Variants in PRADC1 observed in about 807,000 individuals in gnomAD.
PRADC1 encodes protease-associated domain-containing protein 1.
A neutral mutation model predicts 22.9 loss-of-function variants in PRADC1; 23 were observed. That is an observed-to-expected ratio of 1.00 (90% CI 0.72 to 1.42). The LOEUF is 1.42. PRADC1 is among the 40% of genes most tolerant of loss of function. The probability of loss-of-function intolerance (pLI) is 0.00; values close to 1 mark genes in which losing one functional copy is unlikely to be tolerated. For missense variants in PRADC1, 207 were observed against 258.3 expected (o/e 0.80, Z 1.36); for synonymous variants, 71 against 100.3 (o/e 0.71, Z 1.75).
In PRADC1 at chr2:73,228,977, G is replaced by T; in HGVS notation, c.279-15C>A. ...AGGAGCAGCCCCTGGAAGAGGTGGT[G>T]ATAAGACCAAAGGAAAGACAGGTCC... On this transcript the variant is annotated splice_polypyrimidine_tract_variant and intron_variant, in intron 3 of 4. Coordinates refer to ENST00000258083, the MANE Select transcript of PRADC1 (RefSeq NM_032319.3). The surrounding 1 kb of genome is among the most constrained non-coding windows in gnomAD (Gnocchi z 4.0). 1 of 1,612,802 alleles carries T rather than the reference G, an allele frequency of 6.2e-7. No individual in the cohort carries two copies. Among genetic ancestry groups the T allele is most frequent in the Non-Finnish European group, 8.5e-7 (1 of 1,179,672 alleles).
rs1686566828 is a variant in PRADC1 at position 73,228,656 on chromosome 2, TC to T, written c.447-83del. 1 of 1,603,044 alleles carries T rather than the reference TC, an allele frequency of 6.2e-7. No homozygotes were observed. Among genetic ancestry groups the T allele is most frequent in the Non-Finnish European group, 8.5e-7 (1 of 1,172,616 alleles). ...CCACTGTCCCCATCAATCTGGGAGT[TC>T]CAAAGCCCGAGATCTTTTTTTGCCC... On this transcript the variant is annotated intron_variant, in intron 4 of 4. Transcript: ENST00000258083. The surrounding 1 kb of genome is among the most constrained non-coding windows in gnomAD (Gnocchi z 4.0).
chr2:73,229,398 CAAT>C (rs1686584478), intron 3 of PRADC1, 60 bp downstream of exon 3: 4 of 1,093,610 alleles, frequency 3.7e-6, no homozygotes, highest in South Asian at 1.2e-5. Flanking sequence ...GCACTACTAC[CAAT>C]AATCTCAGAA....
rs146563500 is a variant in PRADC1 at position 73,230,159 on chromosome 2, C to T, written c.122G>A (p.Arg41Gln). The change falls in exon 2 of 5, where the codon CGA (arginine) becomes CAA (glutamine). Residue 41 changes from arginine to glutamine, a missense_variant. Physicochemically the swap from Arg to Gln is conservative, Grantham distance 43. Transcript: ENST00000258083. ...YFQVLSPGDI[R>Q]YIFTATPAKD... is the part of the protein sequence containing the mutation. ...GGCAGGTGTGGCTGTGAAGATGTAT[C>T]GAATGTCCCCAGGACTCAGCACTTG... is the stretch of plus-strand genomic sequence containing the variant. 8.3e-3 allele frequency: 13,411 copies of T among 1,613,986 alleles called. 420 individuals are homozygous for T. In the Admixed American group the frequency reaches 0.1, roughly 12 times the overall value.
In PRADC1 at chr2:73,228,909, G is replaced by C; in HGVS notation, c.332C>G (p.Ala111Gly). Residue 111 changes from alanine (A) to glycine (G), a missense_variant, in exon 4 of 5, where the codon GCG becomes GGG. Transcript: ENST00000258083. The surrounding 1 kb of genome is among the most constrained non-coding windows in gnomAD (Gnocchi z 4.0). ...TRVVQEHGGRAVIISDNAVDN... is the reference protein window; with the variant it reads ...TRVVQEHGGRGVIISDNAVDN... ...AACTGCGTTGTCAGAGATGATCACC[G>C]CCCGCCCGCCGTGCTCCTGGACCAC... 6.2e-7 allele frequency: 1 copy of C among 1,613,458 alleles called. No individual in the cohort carries two copies. Among genetic ancestry groups the C allele is most frequent in the Non-Finnish European group, 8.5e-7 (1 of 1,179,864 alleles).
At chr2:73,229,652 T>C (rs556638973) in intron 2 of PRADC1, 82 bp from the exon 3 acceptor site, 18 of 1,016,114 alleles carry the variant, frequency 1.8e-5, no homozygotes, top group South Asian at 2.6e-5. Context: ...TCCCATCTTA[T>C]TGGCACCTTA....
In PRADC1 at chr2:73,230,138, G is replaced by C. The variant is rs1396148074; in HGVS notation, c.143C>G (p.Pro48Arg). The C allele has an allele frequency of 6.2e-6, 10 of 1,613,476 alleles. No individual in the cohort carries two copies. The Admixed American group carries it at 6.7e-5, about 11-fold the overall frequency. ...AAAGATACCACCAAAGTCCTTGGCA[G>C]GTGTGGCTGTGAAGATGTATCGAAT... ...GDIRYIFTATPAKDFGGIFHT... is the reference protein window; with the variant it reads ...GDIRYIFTATRAKDFGGIFHT... The change falls in exon 2 of 5, where the codon CCT becomes CGT. Residue 48 changes from proline to arginine, a missense_variant. Pro to Arg is a moderately radical substitution (Grantham distance 103). Coordinates refer to ENST00000258083, the MANE Select transcript of PRADC1 (RefSeq NM_032319.3).
chr2:73,230,587 C>T (rs192841104), intron 1 of PRADC1, among the ~76,000 whole-genome samples: 32 of 152,358 alleles, frequency 2.1e-4, no homozygotes, highest in Admixed American at 9.8e-4. Context: ...TCTGGTCCCA[C>T]TGCCATCCCC....
intron 2 of PRADC1, 74 bp from the exon 3 acceptor site, chr2:73,229,644 C>T: frequency 1.8e-6 from 2 of 1,122,808 alleles, no homozygotes; most frequent in Non-Finnish European, 2.7e-6. Flanking sequence ...GCTGACAATC[C>T]CATCTTATTG....
At chr2:73,229,773 T>A in intron 2 of PRADC1, 1 of 595,134 alleles carries the variant, frequency 1.7e-6, no homozygotes, top group South Asian at 2.0e-5. Flanking sequence ...TACCCTTCTA[T>A]GAGATAGGCA....
rs1353118358 is a variant in PRADC1 at position 73,229,559 on chromosome 2, A to G, written c.180T>C (p.Tyr60=). The G allele has an allele frequency of 8.7e-6, 14 of 1,613,314 alleles. No individual in the cohort carries two copies. Among genetic ancestry groups the G allele is most frequent in the Non-Finnish European group, 1.0e-5 (12 of 1,179,332 alleles). Residue 60 remains tyrosine, a synonymous_variant, in exon 3 of 5, where the codon TAT becomes TAC. Transcript: ENST00000258083. ...CAGCGGGGACAAGGTGAATCTGCTC[A>G]TACCTTGTGTGCTGAAAAACATTTA... ...KDFGGIFHTR[Y]EQIHLVPAEP...
chr2:73,230,795 A>T lies in PRADC1; in HGVS notation c.68-582T>A, dbSNP rs538877883. Among the ~76,000 whole-genome samples the T allele has an allele frequency of 2.0e-5, 3 of 152,270 alleles. No individual in the cohort carries two copies. In the East Asian group the frequency reaches 5.8e-4, roughly 29 times the overall value. On this transcript the variant is annotated intron_variant, in intron 1 of 4. Coordinates refer to ENST00000258083, the MANE Select transcript of PRADC1 (RefSeq NM_032319.3). ...CTCTTTTTAAACTGTGGCCTACAAG[A>T]CCCTGTTTGCTGTGGCCCCTGGCCA...
intron 1 of PRADC1, 79 bp downstream of exon 1, chr2:73,233,015 C>G: frequency 6.7e-7 from 1 of 1,487,068 alleles, no homozygotes; most frequent in Non-Finnish European, 9.0e-7. Flanking sequence ...CAAGGTGACC[C>G]TTGGCCCCCA....
chr2:73,228,625 C>A lies in PRADC1; in HGVS notation c.447-51G>T. On this transcript the variant is annotated intron_variant, in intron 4 of 4. Coordinates refer to ENST00000258083, the MANE Select transcript of PRADC1 (RefSeq NM_032319.3). This position sits in a 1 kb window ranked among gnomAD's most constrained non-coding sequence, Gnocchi z 4.0. ...GACGGTCACTTTCTTGGTACCCCAT[C>A]ATGCCCCACTGTCCCCATCAATCTG... is the stretch of plus-strand genomic sequence containing the variant. The A allele has an allele frequency of 1.2e-6, 2 of 1,613,218 alleles. No individual in the cohort carries two copies. Among genetic ancestry groups the A allele is most frequent in the Non-Finnish European group, 1.7e-6 (2 of 1,179,682 alleles).
intron 2 of PRADC1, 195 bp downstream of exon 2, chr2:73,229,918 A>G (rs778756987): frequency 1.7e-6 from 1 of 594,038 alleles, no homozygotes; most frequent in Non-Finnish European, 3.0e-6. Flanking sequence ...TTGTCCCTCC[A>G]TGGTGCCTAG....
Position 73,228,471 on chromosome 2 carries a change from G to A in PRADC1, c.550C>T (p.Pro184Ser). The change falls in exon 5 of 5, where the codon CCC becomes TCC. Residue 184 changes from proline to serine, a missense_variant. By Grantham distance (74) the Pro-to-Ser change is moderately conservative. Transcript: ENST00000258083. The surrounding 1 kb of genome is among the most constrained non-coding windows in gnomAD (Gnocchi z 4.0). Reference sequence around the variant, plus strand: ...AAACTCTTCTACCAGAAGGTCCAGGGCGGTTGCAGCAGCTCAAAGGTGGGG... The same window carrying A: ...AAACTCTTCTACCAGAAGGTCCAGGACGGTTGCAGCAGCTCAAAGGTGGGG... ...SIPTFELLQP[P>S]WTFW 3 of 1,614,148 alleles carry A rather than the reference G, an allele frequency of 1.9e-6. No homozygotes were observed. Among genetic ancestry groups the A allele is most frequent in the Non-Finnish European group, 2.5e-6 (3 of 1,180,024 alleles).
In PRADC1 at chr2:73,228,753, C is replaced by T; in HGVS notation, c.446+42G>A. On this transcript the variant is annotated intron_variant, in intron 4 of 4. Transcript: ENST00000258083. This position sits in a 1 kb window ranked among gnomAD's most constrained non-coding sequence, Gnocchi z 4.0. ...GATTACCCCTGACCCAGTCATGGCG[C>T]CCAGCCTGGTGCTGATAAAGCCAGA... is the stretch of plus-strand genomic sequence containing the variant. The T allele has an allele frequency of 6.3e-7, 1 of 1,596,196 alleles. No homozygotes were observed. Among genetic ancestry groups the T allele is most frequent in the East Asian group, 2.2e-5 (1 of 44,570 alleles).
At position 73,228,743 on chromosome 2, in the gene PRADC1, A is replaced by G; in HGVS notation, c.446+52T>C. 1 of 1,591,684 alleles carries G rather than the reference A, an allele frequency of 6.3e-7. No individual in the cohort carries two copies. The highest frequency in any genetic ancestry group is 8.6e-7 in the Non-Finnish European group (1 of 1,166,076). ...AGGGACTGGTGATTACCCCTGACCCAGTCATGGCGCCCAGCCTGGTGCTGA... is the reference window on the plus strand; with the variant it reads ...AGGGACTGGTGATTACCCCTGACCCGGTCATGGCGCCCAGCCTGGTGCTGA... On this transcript the variant is annotated intron_variant, in intron 4 of 4. Coordinates refer to ENST00000258083, the MANE Select transcript of PRADC1 (RefSeq NM_032319.3). This position sits in a 1 kb window ranked among gnomAD's most constrained non-coding sequence, Gnocchi z 4.0.
chr2:73,228,758 C>G lies in PRADC1; in HGVS notation c.446+37G>C, dbSNP rs1320326135. 2 of 1,601,396 alleles carry G rather than the reference C, an allele frequency of 1.2e-6. No individual in the cohort carries two copies. The highest frequency in any genetic ancestry group is 8.5e-7 in the Non-Finnish European group (1 of 1,171,886). On this transcript the variant is annotated intron_variant, in intron 4 of 4. Coordinates refer to ENST00000258083, the MANE Select transcript of PRADC1 (RefSeq NM_032319.3). This position sits in a 1 kb window ranked among gnomAD's most constrained non-coding sequence, Gnocchi z 4.0. ...CCCCTGACCCAGTCATGGCGCCCAG[C>G]CTGGTGCTGATAAAGCCAGAGGCAA... is the stretch of plus-strand genomic sequence containing the variant.
At chr2:73,230,411 T>C (rs1231504572) in intron 1 of PRADC1, among the ~76,000 whole-genome samples, 198 bp from the exon 2 acceptor site, 3 of 152,210 alleles carry the variant, frequency 2.0e-5, no homozygotes, top group African/African-American at 7.2e-5. Context: ...TGCAGAGTCA[T>C]TAACCCCAGA....
Sources: allele counts gnomAD v4.1 joint callset (sites outside exome capture counted in the v4.1 genomes callset), GRCh38; gene constraint gnomAD v4.1.1; non-coding constraint Gnocchi (gnomAD v3.1); transcripts MANE v1.5; gene names NCBI Gene and HGNC (gene_info 2026-07-23, HGNC 2026-07-21).